Variants in SLC15A5 observed in about 807,000 individuals in gnomAD.
SLC15A5 encodes the protein solute carrier family 15 member 5.
Under a neutral mutation model 56.1 loss-of-function variants are expected in SLC15A5, and 58 were observed. That is an observed-to-expected ratio of 1.03 (90% CI 0.84 to 1.29). The LOEUF (loss-of-function observed/expected upper bound fraction) is 1.29. SLC15A5 is among the 50% of genes most tolerant of loss of function. The pLI is 0.00. For synonymous variants in SLC15A5, 264 were observed against 250.5 expected (o/e 1.05, Z -0.51); for missense variants, 681 against 672.1 (o/e 1.01, Z -0.15).
intron 7 of SLC15A5, among the ~76,000 whole-genome samples, chr12:16,201,578 T>C (rs1863956777): frequency 6.6e-6 from 1 of 152,136 alleles, no homozygotes; most frequent in African/African-American, 2.4e-5. Flanking sequence ...AGTTGAATCA[T>C]GGGGGTGGTT....
chr12:16,195,515 T>C (rs1565654973), intron 7 of SLC15A5, among the ~76,000 whole-genome samples: 1 of 152,100 alleles, frequency 6.6e-6, no homozygotes, highest in Non-Finnish European at 1.5e-5. Flanking sequence ...TTTACTGTTA[T>C]GCATTATGAG....
chr12:16,207,390 T>C (rs74063699), intron 7 of SLC15A5, among the ~76,000 whole-genome samples: 28 of 152,330 alleles, frequency 1.8e-4, no homozygotes, highest in African/African-American at 6.7e-4. Context: ...ATTTCATAAT[T>C]TTAGAAGAAA....
At chr12:16,231,089 T>C (rs1864293268) in intron 5 of SLC15A5, among the ~76,000 whole-genome samples, 1 of 152,232 alleles carries the variant, frequency 6.6e-6, no homozygotes, top group Non-Finnish European at 1.5e-5. Context: ...AAGTATCTTT[T>C]GTACAAAATT....
intron 3 of SLC15A5, among the ~76,000 whole-genome samples, chr12:16,253,244 T>TA (rs1432138314): frequency 6.6e-6 from 1 of 151,704 alleles, no homozygotes; most frequent in Non-Finnish European, 1.5e-5. Context: ...GACATGACAA[T>TA]AAAACACAGG....
chr12:16,230,251 G>A (rs925260295), intron 5 of SLC15A5, among the ~76,000 whole-genome samples: 1 of 152,174 alleles, frequency 6.6e-6, no homozygotes, highest in African/African-American at 2.4e-5. Context: ...TTGCAACTTA[G>A]AGAGGCTAGT....
intron 6 of SLC15A5, among the ~76,000 whole-genome samples, chr12:16,217,681 G>T (rs1864143701): frequency 1.3e-5 from 2 of 152,076 alleles, no homozygotes; most frequent in South Asian, 2.1e-4. Flanking sequence ...CTGAATAAGG[G>T]TTAGGTATTT....
intron 5 of SLC15A5, among the ~76,000 whole-genome samples, chr12:16,238,491 G>T (rs147118058): frequency 1.6e-4 from 25 of 152,060 alleles, no homozygotes; most frequent in African/African-American, 6.0e-4. Flanking sequence ...TTAGCCAGGC[G>T]TGGTGGTGGG....
chr12:16,215,244 G>C (rs1036977100), intron 7 of SLC15A5, among the ~76,000 whole-genome samples: 6 of 144,070 alleles, frequency 4.2e-5, no homozygotes, highest in African/African-American at 1.5e-4. Context: ...AGTGAGGATA[G>C]TCTTGGGGAG....
At chr12:16,246,106 C>G (rs963161170) in intron 3 of SLC15A5, among the ~76,000 whole-genome samples, 3 of 152,116 alleles carry the variant, frequency 2.0e-5, no homozygotes, top group African/African-American at 7.2e-5. Flanking sequence ...AGCTGTGGCT[C>G]TTTGGTGGCC....
chr12:16,193,760 T>G (rs1863861495), intron 8 of SLC15A5, among the ~76,000 whole-genome samples: 1 of 121,530 alleles, frequency 8.2e-6, no homozygotes, highest in Non-Finnish European at 1.7e-5. Flanking sequence ...AGTACACAGC[T>G]GTCCAAGAAT....
chr12:16,217,733 T>G lies in SLC15A5; in HGVS notation c.1352-709A>C, dbSNP rs1004858749. Among the ~76,000 whole-genome samples, 14 of 152,228 alleles carry G rather than the reference T, an allele frequency of 9.2e-5. No individual in the cohort carries two copies. In the South Asian group the frequency reaches 1.0e-3, roughly 11 times the overall value. ...TATCAAATTGAGTAGTTCCTACTTG[T>G]GCAGGCACTGTACAAAGCCCTTAAT... On this transcript the variant is annotated intron_variant, in intron 6 of 8. Coordinates refer to ENST00000344941, the MANE Select transcript of SLC15A5 (RefSeq NM_001170798.1).
chr12:16,216,775 C>G, intron 7 of SLC15A5, 118 bp downstream of exon 7: 1 of 837,236 alleles, frequency 1.2e-6, no homozygotes, highest in Non-Finnish European at 1.8e-6. Context: ...ATCTTAATTG[C>G]AAAAGTGGAT....
chr12:16,277,311 C>T lies in SLC15A5; in HGVS notation c.361+14G>A. On this transcript the variant is annotated intron_variant, in intron 1 of 8. Coordinates refer to ENST00000344941, the MANE Select transcript of SLC15A5 (RefSeq NM_001170798.1). ...TTAAGTCACAAAACAATCCAGTCAG[C>T]AGAGGACACTCACCTAGAAAATGTA... 6.7e-7 allele frequency: 1 copy of T among 1,498,230 alleles called. No individual in the cohort carries two copies. The highest frequency in any genetic ancestry group is 1.7e-4 in the Middle Eastern group (1 of 5,772). The allele number at this position is 1,498,230 out of a possible 1,614,324, so 92.8% of individuals were successfully genotyped here. A position where few individuals can be genotyped will look rare whatever the true frequency, so the allele number is the denominator to read the frequency against.
chr12:16,255,162 T>G (rs1462276559), intron 3 of SLC15A5, among the ~76,000 whole-genome samples: 3 of 152,120 alleles, frequency 2.0e-5, no homozygotes, highest in Admixed American at 6.5e-5. Context: ...GCTGAATGCC[T>G]GAGCTGAAAA....
intron 8 of SLC15A5, among the ~76,000 whole-genome samples, chr12:16,193,186 ACTTT>A (rs1251698630): frequency 6.6e-6 from 1 of 152,060 alleles, no homozygotes; most frequent in Admixed American, 6.6e-5. Context: ...TTTCTGCAAA[ACTTT>A]CTGGTTCTCT....
intron 4 of SLC15A5, among the ~76,000 whole-genome samples, chr12:16,240,447 G>A (rs1269924205): frequency 1.3e-5 from 2 of 151,162 alleles, no homozygotes; most frequent in African/African-American, 4.8e-5. Context: ...TAAGTAACAG[G>A]GGGAGGAAAA....
At position 16,231,974 on chromosome 12, in the gene SLC15A5, C is replaced by T. The variant is rs939538623; in HGVS notation, c.1163-7372G>A. On this transcript the variant is annotated intron_variant, in intron 5 of 8. Coordinates refer to ENST00000344941, the MANE Select transcript of SLC15A5 (RefSeq NM_001170798.1). ...TATGACTGGTTCCCTTGCCAAATGGCATTCTACAGAGAAACCCCATAAGTC... is the reference window on the plus strand; with the variant it reads ...TATGACTGGTTCCCTTGCCAAATGGTATTCTACAGAGAAACCCCATAAGTC... Among the ~76,000 whole-genome samples the T allele has an allele frequency of 4.2e-4, 64 of 152,322 alleles. 1 individual carries two copies. The highest frequency in any genetic ancestry group is 1.4e-3 in the African/African-American group (58 of 41,560).
At chr12:16,193,587 G>A in intron 8 of SLC15A5, among the ~76,000 whole-genome samples, 1 of 151,954 alleles carries the variant, frequency 6.6e-6, no homozygotes, top group East Asian at 1.9e-4. Flanking sequence ...GAGATAAATG[G>A]ATGGAAGGAA....
chr12:16,227,047 TTTAAATATA>T (rs1205444630), intron 5 of SLC15A5, among the ~76,000 whole-genome samples: 8 of 152,186 alleles, frequency 5.3e-5, no homozygotes, highest in Non-Finnish European at 1.0e-4. Context: ...TATCTCAGAA[TTTAAATATA>T]TTCATAAAGA....
Sources: allele counts gnomAD v4.1 joint callset (sites outside exome capture counted in the v4.1 genomes callset), GRCh38; gene constraint gnomAD v4.1.1; transcripts MANE v1.5; gene names NCBI Gene and HGNC (gene_info 2026-07-23, HGNC 2026-07-21).